Variants in SYNE1 observed in about 807,000 individuals in gnomAD.
The protein encoded by SYNE1 is spectrin repeat containing nuclear envelope protein 1, also known as nesprin-1.
A neutral mutation model predicts 1,111.0 loss-of-function variants in SYNE1; 616 were observed. The ratio of observed to expected loss-of-function variants is 0.55; its 90% CI spans 0.52 to 0.59. The LOEUF is 0.59. SYNE1 is among the 20% of genes least tolerant of loss of function. The pLI, the probability that SYNE1 is intolerant of heterozygous loss-of-function variation, is 0.00. For missense variants in SYNE1, 10,006 were observed against 10,417.0 expected, an observed-to-expected ratio of 0.96 and a Z score of 1.72; for synonymous variants, 3,855 against 3,825.8, an observed-to-expected ratio of 1.01 and a Z score of -0.28.
intron 124 of SYNE1, among the ~76,000 whole-genome samples, chr6:152,208,942 A>T (rs10485255): frequency 0.097 from 14,788 of 152,054 alleles, 765 homozygotes; most frequent in South Asian, 0.19. Context: ...CAGGTCTTCT[A>T]ATGTGTTCTT....
chr6:152,478,781 G>A lies in SYNE1; in HGVS notation c.1350+4304C>T, dbSNP rs1253228093. Among the ~76,000 whole-genome samples, 3 of 152,130 alleles carry A rather than the reference G, an allele frequency of 2.0e-5. No homozygotes were observed. The East Asian group carries it at 5.8e-4, about 29-fold the overall frequency. ...CCTTCTGATTGCCAGGCACCATTAA[G>A]GGCCCACTTGGGTTAGTCATCGCGC... On this transcript the variant is annotated intron_variant, in intron 14 of 145. Coordinates refer to ENST00000367255, the MANE Select transcript of SYNE1 (RefSeq NM_182961.4).
chr6:152,209,898 A>G (rs1332214256), intron 124 of SYNE1, among the ~76,000 whole-genome samples: 1 of 152,220 alleles, frequency 6.6e-6, no homozygotes, highest in Non-Finnish European at 1.5e-5. Flanking sequence ...AAAAGTTACA[A>G]GCATCTGTCA....
At chr6:152,406,215 C>T (rs1169226516) in intron 45 of SYNE1, among the ~76,000 whole-genome samples, 2 of 151,840 alleles carry the variant, frequency 1.3e-5, no homozygotes, top group Non-Finnish European at 2.9e-5. Context: ...AGCCTGTGAC[C>T]CTCCAATCTC....
chr6:152,375,621 C>T (rs1285329437), intron 58 of SYNE1, among the ~76,000 whole-genome samples: 3 of 152,126 alleles, frequency 2.0e-5, no homozygotes, highest in African/African-American at 7.2e-5. Flanking sequence ...AATGAACAAA[C>T]ATAAAATATA....
chr6:152,214,650 T>C (rs1383240031), intron 122 of SYNE1, among the ~76,000 whole-genome samples: 3 of 152,196 alleles, frequency 2.0e-5, no homozygotes, highest in African/African-American at 7.2e-5. Context: ...TCCTTCTGCC[T>C]TCCACTGTGT....
intron 6 of SYNE1, among the ~76,000 whole-genome samples, chr6:152,514,752 C>A (rs535181195): frequency 6.6e-6 from 1 of 151,940 alleles, no homozygotes. Flanking sequence ...GAGAAGGGAA[C>A]TGTCTACAAG....
chr6:152,618,961 C>T (rs2099668687), intron 3 of SYNE1, among the ~76,000 whole-genome samples: 2 of 151,992 alleles, frequency 1.3e-5, no homozygotes, highest in South Asian at 4.1e-4. Flanking sequence ...TTATGATTAA[C>T]ACTGAATACT....
At chr6:152,149,425 C>G (rs971853792) in intron 136 of SYNE1, 52 bp downstream of exon 136, 7 of 1,608,366 alleles carry the variant, frequency 4.4e-6, no homozygotes, top group Non-Finnish European at 4.3e-6. Flanking sequence ...CAATCCCACA[C>G]GACTTATTCT....
intron 125 of SYNE1, 125 bp downstream of exon 125, chr6:152,207,847 A>T: frequency 1.1e-6 from 1 of 904,340 alleles, no homozygotes; most frequent in Non-Finnish European, 1.8e-6. Flanking sequence ...TTCTGTTGAC[A>T]TTTGAGAACA....
intron 127 of SYNE1, among the ~76,000 whole-genome samples, chr6:152,193,827 C>A (rs566121277): frequency 2.0e-5 from 3 of 151,684 alleles, no homozygotes; most frequent in East Asian, 2.0e-4. Context: ...CTGACTAACA[C>A]GGTGAAACCC....
chr6:152,263,769 G>A (rs2092367438), intron 100 of SYNE1, among the ~76,000 whole-genome samples: 1 of 151,780 alleles, frequency 6.6e-6, no homozygotes, highest in Admixed American at 6.6e-5. Context: ...TGACACTGGG[G>A]TAATTTGTTT....
intron 131 of SYNE1, among the ~76,000 whole-genome samples, chr6:152,156,793 C>G (rs2152958755): frequency 1.3e-5 from 2 of 152,176 alleles, no homozygotes; most frequent in South Asian, 4.1e-4. Flanking sequence ...ATGTGCTAGA[C>G]CTGGCACTCA....
chr6:152,269,088 G>T, intron 99 of SYNE1, 67 bp downstream of exon 99: 1 of 1,611,398 alleles, frequency 6.2e-7, no homozygotes, highest in South Asian at 1.1e-5. Flanking sequence ...CTGTCCTTCT[G>T]AAATATGCCT....
intron 66 of SYNE1, 130 bp from the exon 67 acceptor site, chr6:152,355,106 C>T (rs1002312107): frequency 1.0e-6 from 1 of 993,472 alleles, no homozygotes; most frequent in African/African-American, 1.6e-5. Context: ...TTATTATGCC[C>T]TATACAAAAA....
intron 115 of SYNE1, among the ~76,000 whole-genome samples, chr6:152,226,751 T>C (rs2081658186): frequency 6.6e-6 from 1 of 152,060 alleles, no homozygotes; most frequent in Admixed American, 6.6e-5. Flanking sequence ...TGGTGAGGGA[T>C]GGAGTGGGGA....
intron 107 of SYNE1, among the ~76,000 whole-genome samples, chr6:152,240,111 C>T (rs760234099): frequency 4.6e-5 from 7 of 152,030 alleles, no homozygotes; most frequent in Non-Finnish European, 8.8e-5. Context: ...GTGAGGAGTG[C>T]GCGAGGAGTC....
intron 91 of SYNE1, among the ~76,000 whole-genome samples, chr6:152,306,543 T>C (rs1163515106): frequency 6.7e-6 from 1 of 148,936 alleles, no homozygotes; most frequent in Non-Finnish European, 1.5e-5. Context: ...ATAGAGTTGG[T>C]ATAAAAAAGT....
chr6:152,391,634 T>C, intron 51 of SYNE1, 66 bp from the exon 52 acceptor site: 1 of 1,479,540 alleles, frequency 6.8e-7, no homozygotes, highest in Non-Finnish European at 8.9e-7. Flanking sequence ...TGCAGGGGAG[T>C]GACAAATGAT....
chr6:152,442,110 C>T lies in SYNE1; in HGVS notation c.3973G>A (p.Glu1325Lys). 16 of 1,614,104 alleles carry T rather than the reference C, an allele frequency of 9.9e-6. No homozygotes were observed. The highest frequency in any genetic ancestry group is 1.3e-5 in the African/African-American group (1 of 75,062). The part of the protein sequence containing the change: ...RKLESTLDGL[E>K]RSRERQERRI... ...CGTTCCTGCCTCTCCCGGCTGCGCT[C>T]CAGGCCATCCAGTGTGCTCTCCAGC... Residue 1325 changes from glutamate to lysine, a missense_variant, in exon 31 of 146, where the codon GAG (glutamate) becomes AAG (lysine). By Grantham distance (56) the Glu-to-Lys change is moderately conservative. Coordinates refer to ENST00000367255, the MANE Select transcript of SYNE1 (RefSeq NM_182961.4).
Sources: gnomAD v4.1 joint callset for allele counts (sites outside exome capture counted in the v4.1 genomes callset) on GRCh38, gnomAD v4.1.1 for gene constraint, MANE v1.5 for transcripts, NCBI Gene and HGNC (gene_info 2026-07-23, HGNC 2026-07-21) for gene names.